Variants in PTCHD4 observed in about 807,000 individuals in gnomAD.
PTCHD4 encodes patched domain-containing protein 4.
Under a neutral mutation model 58.1 loss-of-function variants are expected in PTCHD4, and 33 were observed. That is an observed-to-expected ratio of 0.57 (90% confidence interval 0.43 to 0.76). The LOEUF is 0.76. PTCHD4 is among the 30% of genes least tolerant of loss of function. PTCHD4 has a pLI of 0.00. For synonymous variants in PTCHD4, 478 were observed against 409.6 expected, an observed-to-expected ratio of 1.17 and a Z score of -2.02; for missense variants, 1,058 against 1,027.1, an observed-to-expected ratio of 1.03 and a Z score of -0.41.
rs1763790558 is a variant in PTCHD4, at chr6:47,874,244, T to A, written c.*4059A>T. Among the ~76,000 whole-genome samples the A allele has an allele frequency of 6.6e-6, 1 of 151,760 alleles. No individual in the cohort carries two copies. The highest frequency in any genetic ancestry group is 1.5e-5 in the Non-Finnish European group (1 of 67,794). ...TACTGATACCCAGGGAAGGCAATTC[T>A]TAAATTGCTTACCTGGGGATGGAAC... On this transcript the variant is annotated 3_prime_UTR_variant, in exon 5 of 5. Coordinates refer to ENST00000339488, the MANE Select transcript of PTCHD4 (RefSeq NM_001384253.1).
At chr6:47,996,558 AAG>A (rs2114049556) in intron 4 of PTCHD4, among the ~76,000 whole-genome samples, 2 of 152,308 alleles carry the variant, frequency 1.3e-5, no homozygotes, top group East Asian at 3.9e-4. Flanking sequence ...TAGCAGAGCC[AAG>A]GAGCCTGGGA....
intron 4 of PTCHD4, among the ~76,000 whole-genome samples, chr6:47,892,677 T>A (rs1764416377): frequency 6.6e-6 from 1 of 152,256 alleles, no homozygotes; most frequent in African/African-American, 2.4e-5. Context: ...CTTTGCAAAC[T>A]TAGATTATGC....
chr6:47,940,787 C>T (rs977168099), intron 4 of PTCHD4, among the ~76,000 whole-genome samples: 1 of 152,120 alleles, frequency 6.6e-6, no homozygotes, highest in Non-Finnish European at 1.5e-5. Flanking sequence ...TTACTCACTC[C>T]TTCTTAATAT....
intron 4 of PTCHD4, among the ~76,000 whole-genome samples, chr6:47,894,504 G>A (rs1449121331): frequency 1.3e-5 from 2 of 152,148 alleles, no homozygotes; most frequent in Admixed American, 6.5e-5. Context: ...GCAAGACAAA[G>A]AATGCAAACT....
intron 4 of PTCHD4, among the ~76,000 whole-genome samples, chr6:47,897,865 TA>T (rs1196495968): frequency 5.9e-5 from 9 of 151,968 alleles, no homozygotes; most frequent in Middle Eastern, 3.4e-3. Flanking sequence ...AGACATGCCA[TA>T]AATATACCAC....
At chr6:48,004,197 A>G (rs2114070158) in intron 4 of PTCHD4, among the ~76,000 whole-genome samples, 1 of 152,320 alleles carries the variant, frequency 6.6e-6, no homozygotes, top group African/African-American at 2.4e-5. Flanking sequence ...GAAAATTAAT[A>G]AACAATTTAA....
chr6:48,030,216 A>G (rs536632071), intron 3 of PTCHD4, among the ~76,000 whole-genome samples: 2 of 152,260 alleles, frequency 1.3e-5, no homozygotes, highest in South Asian at 2.1e-4. Flanking sequence ...GAGACAAGAC[A>G]TATTTTGCAA....
chr6:47,879,433 A>C lies in PTCHD4; in HGVS notation c.1402T>G (p.Tyr468Asp), dbSNP rs1763951229. The change falls in exon 5 of 5, where the codon TAT (tyrosine) becomes GAT (aspartate). Residue 468 changes from tyrosine (Y) to aspartate (D), a missense_variant. Physicochemically the swap from Tyr to Asp is radical, Grantham distance 160. Transcript: ENST00000339488. ...AAGGAGAAGGAGGCATAAATGAGAT[A>C]GAGGATGACAACAAATGGCTTCACA... ...IYVKPFVVIL[Y>D]LIYASFSFMG... is the part of the protein sequence containing the mutation. The C allele has an allele frequency of 4.3e-6, 7 of 1,613,550 alleles. No individual in the cohort carries two copies. Among genetic ancestry groups the C allele is most frequent in the African/African-American group, 4.0e-5 (3 of 74,906 alleles).
intron 3 of PTCHD4, among the ~76,000 whole-genome samples, chr6:48,043,754 T>C (rs1280621299): frequency 6.6e-6 from 1 of 151,824 alleles, no homozygotes; most frequent in Non-Finnish European, 1.5e-5. Flanking sequence ...TGCTTCCAGA[T>C]GCCAAGTATT....
chr6:48,058,913 C>G (rs745653364), intron 3 of PTCHD4, among the ~76,000 whole-genome samples: 2 of 151,988 alleles, frequency 1.3e-5, no homozygotes, highest in African/African-American at 4.8e-5. Context: ...ATGAGGACTA[C>G]CAAAAATAGG....
chr6:47,955,547 C>T (rs1008242460), intron 4 of PTCHD4, among the ~76,000 whole-genome samples: 3 of 152,144 alleles, frequency 2.0e-5, no homozygotes, highest in Non-Finnish European at 4.4e-5. Context: ...AGCAAGTGGT[C>T]CAGTTTTCCT....
At chr6:47,919,173 A>G (rs2113881905) in intron 4 of PTCHD4, among the ~76,000 whole-genome samples, 1 of 152,266 alleles carries the variant, frequency 6.6e-6, no homozygotes, top group East Asian at 1.9e-4. Flanking sequence ...AGAGCAATTG[A>G]ACCCAAACTC....
At chr6:48,026,668 G>A (rs528401238) in intron 3 of PTCHD4, among the ~76,000 whole-genome samples, 10 of 152,036 alleles carry the variant, frequency 6.6e-5, no homozygotes, top group African/African-American at 2.2e-4. Flanking sequence ...AGGGATTCAG[G>A]GTCTCTCAAA....
intron 4 of PTCHD4, among the ~76,000 whole-genome samples, chr6:47,959,883 G>A (rs1767013014): frequency 6.6e-6 from 1 of 150,512 alleles, no homozygotes; most frequent in Admixed American, 6.6e-5. Flanking sequence ...AAAAAAAGAT[G>A]AAAATATCGT....
chr6:47,879,425 A>C lies in PTCHD4; in HGVS notation c.1410T>G (p.Ile470Met). 6.2e-7 allele frequency: 1 copy of C among 1,613,652 alleles called. No homozygotes were observed. The highest frequency in any genetic ancestry group is 8.5e-7 in the Non-Finnish European group (1 of 1,179,748). ...ACCCCATGAAGGAGAAGGAGGCATA[A>C]ATGAGATAGAGGATGACAACAAATG... Reference protein sequence around the residue: ...VKPFVVILYLIYASFSFMGCL... With the variant: ...VKPFVVILYLMYASFSFMGCL... Residue 470 changes from isoleucine (I) to methionine (M), a missense_variant, in exon 5 of 5, where the codon ATT (isoleucine) becomes ATG (methionine). By Grantham distance (10) the Ile-to-Met change is conservative (BLOSUM62 1). Transcript: ENST00000339488.
At chr6:47,911,062 T>C (rs1765052300) in intron 4 of PTCHD4, among the ~76,000 whole-genome samples, 1 of 152,130 alleles carries the variant, frequency 6.6e-6, no homozygotes, top group African/African-American at 2.4e-5. Context: ...TGATTAGTGC[T>C]TGTGGTGGTC....
chr6:47,922,710 G>C (rs1041563743), intron 4 of PTCHD4, among the ~76,000 whole-genome samples: 1 of 152,196 alleles, frequency 6.6e-6, no homozygotes, highest in Non-Finnish European at 1.5e-5. Flanking sequence ...TCATTCACCA[G>C]TAGGCTCAGC....
At chr6:47,930,583 A>T (rs1462293348) in intron 4 of PTCHD4, among the ~76,000 whole-genome samples, 2 of 152,212 alleles carry the variant, frequency 1.3e-5, no homozygotes, top group South Asian at 2.1e-4. Flanking sequence ...CTAAAAAAAT[A>T]AAGTTCATAA....
chr6:48,014,236 C>A (rs1282375424), intron 3 of PTCHD4, among the ~76,000 whole-genome samples: 1 of 152,100 alleles, frequency 6.6e-6, no homozygotes, highest in African/African-American at 2.4e-5. Flanking sequence ...AAAAATCCAA[C>A]TAATTATAGT....
Sources: gnomAD v4.1 joint callset for allele counts (sites outside exome capture counted in the v4.1 genomes callset) on GRCh38, gnomAD v4.1.1 for gene constraint, MANE v1.5 for transcripts, NCBI Gene and HGNC (gene_info 2026-07-23, HGNC 2026-07-21) for gene names.